The following DNAH10 variants were observed in gnomAD, a reference collection of about 807,000 sequenced individuals.
The protein encoded by DNAH10 is dynein axonemal heavy chain 10.
DNAH10 carries 348 observed loss-of-function variants against 506.6 expected under a neutral mutation model. The observed-to-expected ratio is 0.69, with a 90% CI of 0.63 to 0.75. The LOEUF is 0.75. Ranked by LOEUF, DNAH10 falls within the 30% of genes least tolerant of loss-of-function variation. The pLI is 0.00. For missense variants in DNAH10, 5,179 were observed against 5,787.1 expected, an observed-to-expected ratio of 0.89 and a Z score of 3.41; for synonymous variants, 2,059 against 2,198.6, an observed-to-expected ratio of 0.94 and a Z score of 1.78.
intron 56 of DNAH10, among the ~76,000 whole-genome samples, chr12:123,901,277 AC>A (rs2137274315): frequency 6.6e-6 from 1 of 151,942 alleles, no homozygotes; most frequent in Non-Finnish European, 1.5e-5. Flanking sequence ...TCCTGCTGGC[AC>A]CACCCCCCAC....
In DNAH10 at chr12:123,920,783, T is replaced by G. The variant is rs188831506; in HGVS notation, c.11506+1834T>G. Among the ~76,000 whole-genome samples the G allele has an allele frequency of 2.2e-4, 33 of 152,294 alleles. No homozygotes were observed. In the East Asian group the frequency reaches 6.4e-3, roughly 29 times the overall value. ...TTTATTTTTATTTTTGTTTGTTTAT[T>G]TTTGGAGACAGGGTCTGGCTCTGAT... On this transcript the variant is annotated intron_variant, in intron 65 of 78. Coordinates refer to ENST00000673944, the MANE Select transcript of DNAH10 (RefSeq NM_001372106.1).
chr12:123,874,545 G>T (rs934606882), intron 46 of DNAH10, among the ~76,000 whole-genome samples: 8 of 145,536 alleles, frequency 5.5e-5, no homozygotes, highest in East Asian at 2.1e-4. Context: ...CTACCCATCT[G>T]TTCATTCACC....
At chr12:123,836,421 A>G (rs887002554) in intron 28 of DNAH10, among the ~76,000 whole-genome samples, 4 of 152,168 alleles carry the variant, frequency 2.6e-5, no homozygotes, top group Non-Finnish European at 4.4e-5. Flanking sequence ...TGCTTTTTCC[A>G]TAGTTAGAGT....
chr12:123,914,413 C>T lies in DNAH10; in HGVS notation c.10437C>T (p.Tyr3479=), dbSNP rs751231324. ...DCLLCAAFLS[Y]EGAFTWEFRD... is the part of the protein sequence containing the mutation. ...TGCTCTGCGCGGCTTTCCTCAGCTA[C>T]GAGGGAGCCTTCACCTGGGAGTTCC... Residue 3479 remains tyrosine (Y), a synonymous_variant, in exon 61 of 79, where the codon TAC becomes TAT. Coordinates refer to ENST00000673944, the MANE Select transcript of DNAH10 (RefSeq NM_001372106.1). 37 of 1,613,582 alleles carry T rather than the reference C, an allele frequency of 2.3e-5. No individual in the cohort carries two copies. The highest frequency in any genetic ancestry group is 5.0e-5 in the Admixed American group (3 of 60,006).
At chr12:123,799,439 G>T in intron 14 of DNAH10, 68 bp downstream of exon 14, 1 of 1,540,578 alleles carries the variant, frequency 6.5e-7, no homozygotes, top group Non-Finnish European at 8.8e-7. Flanking sequence ...TTTTCTCAAG[G>T]CTTGATTTGT....
Position 123,809,015 on chromosome 12 carries a change from A to T in DNAH10, c.3144+62A>T. The T allele has an allele frequency of 1.9e-6, 3 of 1,592,116 alleles. No individual in the cohort carries two copies. In the South Asian group the frequency reaches 3.4e-5, roughly 18 times the overall value. ...CATCTCAGGATGCCTCCGCCTCCCA[A>T]AGTGCTGGGACTATAGGCGTGAGCC... On this transcript the variant is annotated intron_variant, in intron 19 of 78. Transcript: ENST00000673944.
chr12:123,865,787 C>G (rs1399184506), intron 40 of DNAH10, among the ~76,000 whole-genome samples, 164 bp from the exon 41 acceptor site: 1 of 152,180 alleles, frequency 6.6e-6, no homozygotes, highest in East Asian at 1.9e-4. Flanking sequence ...ATCTTCTCAT[C>G]AAAATCCCAG....
intron 21 of DNAH10, among the ~76,000 whole-genome samples, chr12:123,814,897 A>T (rs556133119): frequency 1.3e-5 from 2 of 152,236 alleles, no homozygotes; most frequent in East Asian, 1.9e-4. Context: ...GATTACAGGC[A>T]TGAGCCACCG....
chr12:123,926,237 TAAA>T lies in DNAH10; in HGVS notation c.11922-384_11922-382del, dbSNP rs869303760. Among the ~76,000 whole-genome samples the T allele has an allele frequency of 1.3e-3, 143 of 108,366 alleles. No homozygotes were observed. Among genetic ancestry groups the T allele is most frequent in the Middle Eastern group, 4.5e-3 (1 of 222 alleles). 71.1% of individuals were successfully genotyped at this position (108,366 alleles called of 152,430 possible). On this transcript the variant is annotated intron_variant, in intron 68 of 78. Coordinates refer to ENST00000673944, the MANE Select transcript of DNAH10 (RefSeq NM_001372106.1). The surrounding 1 kb of genome is among the most constrained non-coding windows in gnomAD (Gnocchi z 4.1). ...CAGAGTGAGATTATATATTTCAATT[TAAA>T]AAAAAAAAAAAAAAAGAAAAAGAAA...
intron 19 of DNAH10, among the ~76,000 whole-genome samples, chr12:123,811,900 G>A (rs1594088473): frequency 6.6e-6 from 1 of 152,012 alleles, no homozygotes; most frequent in East Asian, 2.0e-4. Flanking sequence ...GCCTCCCAAA[G>A]TGCTGGGATT....
intron 25 of DNAH10, 62 bp downstream of exon 25, chr12:123,826,960 T>TTCCCTCAGTACATTATCTTTGGTC (rs1218960367): frequency 6.8e-7 from 1 of 1,459,908 alleles, no homozygotes; most frequent in African/African-American, 1.4e-5. Context: ...TTAAAATTGT[T>TTCCCTCAGTACATTATCTTTGGTC]TCCCTCAGTA....
chr12:123,899,996 C>T (rs1258616717), intron 56 of DNAH10, among the ~76,000 whole-genome samples: 1 of 152,152 alleles, frequency 6.6e-6, no homozygotes, highest in African/African-American at 2.4e-5. Context: ...CCCATCAATC[C>T]CTCTATGTCA....
intron 2 of DNAH10, among the ~76,000 whole-genome samples, chr12:123,768,396 A>G (rs1032764483): frequency 1.3e-5 from 2 of 151,926 alleles, no homozygotes; most frequent in African/African-American, 4.8e-5. Flanking sequence ...CGGCCTCCCA[A>G]AGTGCTGGGA....
chr12:123,930,576 G>A lies in DNAH10; in HGVS notation c.12784+3G>A, dbSNP rs374124631. The A allele has an allele frequency of 4.4e-6, 7 of 1,605,494 alleles. No individual in the cohort carries two copies. The highest frequency in any genetic ancestry group is 1.3e-5 in the African/African-American group (1 of 74,136). On this transcript the variant is annotated splice_donor_region_variant and intron_variant, in intron 73 of 78. Transcript: ENST00000673944. ...TGATGAAAAGGAGAAATTTGTTGGT[G>A]AGATTTCTCAGACATGAAAAGATGT...
intron 5 of DNAH10, 89 bp downstream of exon 5, chr12:123,774,353 T>C (rs1457649567): frequency 9.8e-7 from 1 of 1,024,300 alleles, no homozygotes; most frequent in East Asian, 2.5e-5. Flanking sequence ...CGGGCAGCTC[T>C]TCTGTCTCAG....
chr12:123,928,862 C>T lies in DNAH10; in HGVS notation c.12306+275C>T, dbSNP rs368527468. On this transcript the variant is annotated intron_variant, in intron 70 of 78. Coordinates refer to ENST00000673944, the MANE Select transcript of DNAH10 (RefSeq NM_001372106.1). This position sits in a 1 kb window ranked among gnomAD's most constrained non-coding sequence, Gnocchi z 4.9. ...ACTTTTCATAAACTTCACGGCCCCC[C>T]CCCCCACACACAGCCTGCAGTTCGC... The T allele has an allele frequency of 4.7e-5, 22 of 466,608 alleles. No individual in the cohort carries two copies. The South Asian group carries it at 5.0e-4, about 11-fold the overall frequency. 28.9% of individuals were successfully genotyped at this position (466,608 alleles called of 1,614,324 possible).
Position 123,879,309 on chromosome 12 carries a change from T to C in DNAH10, c.8418T>C (p.Cys2806=). The C allele has an allele frequency of 6.3e-7, 1 of 1,580,512 alleles. No homozygotes were observed. The highest frequency in any genetic ancestry group is 8.6e-7 in the Non-Finnish European group (1 of 1,162,758). The change falls in exon 49 of 79, where the codon TGT becomes TGC. Residue 2806 remains cysteine, a synonymous_variant. Coordinates refer to ENST00000673944, the MANE Select transcript of DNAH10 (RefSeq NM_001372106.1). ...TGGTGAGAGTCTGGAGGAATGAGTG[T>C]CTGAGAGTCTTCCACGACCGGCTGA... The part of the protein sequence containing the change: ...AQMVRVWRNE[C]LRVFHDRLIS...
Position 123,784,200 on chromosome 12 carries a change from T to C in DNAH10, c.1230+23T>C, listed in dbSNP as rs1223325655. On this transcript the variant is annotated intron_variant, in intron 8 of 78. Transcript: ENST00000673944. Reference sequence around the variant, plus strand: ...AAGGTATGCTGGGTGTGCTGCACTTTGCAGTCAGCTCTGTCAAAGAGATTT... The same window carrying C: ...AAGGTATGCTGGGTGTGCTGCACTTCGCAGTCAGCTCTGTCAAAGAGATTT... 3.1e-6 allele frequency: 5 copies of C among 1,594,438 alleles called. No individual in the cohort carries two copies. The African/African-American group carries it at 6.7e-5, about 21-fold the overall frequency.
intron 51 of DNAH10, 67 bp from the exon 52 acceptor site, chr12:123,887,075 C>T: frequency 6.6e-7 from 1 of 1,509,098 alleles, no homozygotes; most frequent in South Asian, 1.3e-5. Context: ...AGCGTCCCCA[C>T]CCCGGAGCCC....
Sources: gnomAD v4.1 joint callset for allele counts (sites outside exome capture counted in the v4.1 genomes callset) on GRCh38, gnomAD v4.1.1 for gene constraint, Gnocchi (gnomAD v3.1) non-coding constraint, MANE v1.5 for transcripts, NCBI Gene and HGNC (gene_info 2026-07-23, HGNC 2026-07-21) for gene names.